FGD4: variants seen among roughly 807,000 people sequenced by gnomAD.
The protein encoded by FGD4 is FYVE, RhoGEF and PH domain-containing protein 4.
FGD4 carries 42 observed loss-of-function variants against 102.0 expected under a neutral mutation model. That is an observed-to-expected ratio of 0.41 (90% confidence interval 0.32 to 0.53). FGD4 has a LOEUF of 0.53. FGD4 is among the 20% of genes least tolerant of loss of function. FGD4 has a pLI of 0.21. For missense variants in FGD4, 902 were observed against 1,078.2 expected, an observed-to-expected ratio of 0.84 and a Z score of 2.29; for synonymous variants, 380 against 375.7, an observed-to-expected ratio of 1.01 and a Z score of -0.13.
At chr12:32,425,345 C>A (rs368869565) in intron 1 of FGD4, among the ~76,000 whole-genome samples, 2 of 152,268 alleles carry the variant, frequency 1.3e-5, no homozygotes, top group Admixed American at 6.5e-5. Context: ...TTCCCCATTG[C>A]TTGTTTTTGT....
intron 4 of FGD4, among the ~76,000 whole-genome samples, chr12:32,598,034 TCCTC>T (rs1417322772): frequency 2.0e-5 from 3 of 152,290 alleles, no homozygotes; most frequent in African/African-American, 7.2e-5. Context: ...GCTCAAGTGA[TCCTC>T]CCTCCTCTAC....
At chr12:32,579,039 G>GTTTTTTTTTTTTTTTT (rs35186090) in intron 3 of FGD4, among the ~76,000 whole-genome samples, 1 of 66,128 alleles carries the variant, frequency 1.5e-5, no homozygotes, top group African/African-American at 6.5e-5. Flanking sequence ...AACATTAGTG[G>GTTTTTTTTTTTTTTTT]TTTTTTTTTT....
intron 1 of FGD4, among the ~76,000 whole-genome samples, chr12:32,456,665 C>T (rs978127912): frequency 6.6e-6 from 1 of 152,152 alleles, no homozygotes; most frequent in African/African-American, 2.4e-5. Flanking sequence ...GTCATGCCCT[C>T]ATGCCCTAGA....
intron 1 of FGD4, among the ~76,000 whole-genome samples, chr12:32,531,887 G>A (rs1941849366): frequency 6.6e-6 from 1 of 152,174 alleles, no homozygotes; most frequent in African/African-American, 2.4e-5. Flanking sequence ...GGTAGATGCT[G>A]CAGATTATTA....
At chr12:32,500,315 A>G (rs568873161) in intron 1 of FGD4, among the ~76,000 whole-genome samples, 13 of 152,146 alleles carry the variant, frequency 8.5e-5, no homozygotes, top group Non-Finnish European at 1.5e-4. Context: ...AGCACATACT[A>G]GGGACCAGTA....
chr12:32,399,988 T>G, intron 1 of FGD4, 29 bp downstream of exon 1: 1 of 1,431,084 alleles, frequency 7.0e-7, no homozygotes, highest in South Asian at 1.4e-5. Flanking sequence ...GGGGGAAGGG[T>G]GGCCCCGGCG....
intron 1 of FGD4, among the ~76,000 whole-genome samples, chr12:32,438,999 G>A (rs566001507): frequency 1.4e-4 from 21 of 152,218 alleles, no homozygotes; most frequent in African/African-American, 5.1e-4. Flanking sequence ...ATTAACATAT[G>A]TATTACCTCA....
chr12:32,633,485 C>G, intron 14 of FGD4, 64 bp from the exon 15 acceptor site: 1 of 1,514,660 alleles, frequency 6.6e-7, no homozygotes, highest in Admixed American at 1.8e-5. Context: ...TTACCTATAA[C>G]TGATTACTGC....
intron 15 of FGD4, 103 bp from the exon 16 acceptor site, chr12:32,638,552 G>T: frequency 4.2e-6 from 6 of 1,441,242 alleles, no homozygotes; most frequent in Non-Finnish European, 5.8e-6. Flanking sequence ...ATCTTTTTTG[G>T]ATAGTCCAGG....
At chr12:32,632,319 T>C (rs1950539611) in intron 14 of FGD4, among the ~76,000 whole-genome samples, 2 of 152,150 alleles carry the variant, frequency 1.3e-5, no homozygotes, top group African/African-American at 4.8e-5. Flanking sequence ...AACAATCAAA[T>C]AATAATACAG....
intron 1 of FGD4, among the ~76,000 whole-genome samples, chr12:32,504,483 T>C (rs1938513583): frequency 6.6e-6 from 1 of 152,188 alleles, no homozygotes; most frequent in Non-Finnish European, 1.5e-5. Flanking sequence ...TGTACTGAAT[T>C]CGCGTGTCCA....
At chr12:32,508,679 A>G (rs1228930560) in intron 1 of FGD4, among the ~76,000 whole-genome samples, 3 of 152,182 alleles carry the variant, frequency 2.0e-5, no homozygotes, top group African/African-American at 7.2e-5. Context: ...AGCATGAGAT[A>G]TAATAATTAC....
chr12:32,608,801 T>A (rs1254727319), intron 8 of FGD4, among the ~76,000 whole-genome samples: 1 of 152,194 alleles, frequency 6.6e-6, no homozygotes, highest in Non-Finnish European at 1.5e-5. Flanking sequence ...ATTGCTACTT[T>A]CCCTTGTAAT....
intron 3 of FGD4, among the ~76,000 whole-genome samples, chr12:32,577,176 ATT>A (rs140195788): frequency 0.14 from 20,991 of 152,054 alleles, 1,631 homozygotes; most frequent in Middle Eastern, 0.22. Flanking sequence ...TCAATTGTTT[ATT>A]TTTTCTTAGT....
At position 32,576,345 on chromosome 12, in the gene FGD4, T is replaced by C. The variant is rs780841698; in HGVS notation, c.399T>C (p.Ser133=). 1.9e-6 allele frequency: 3 copies of C among 1,614,112 alleles called. No homozygotes were observed. Among genetic ancestry groups the C allele is most frequent in the Non-Finnish European group, 2.5e-6 (3 of 1,180,016 alleles). ...CCCCCAGGCATAAAGCTTTACCTAG[T>C]GCAAAACCAAGGATGGAGGAAATTA... ...HQTPRHKALP[S]AKPRMEEIKP... The change falls in exon 3 of 17, where the codon AGT becomes AGC. Residue 133 remains serine, a synonymous_variant. Coordinates refer to ENST00000534526, the MANE Select transcript of FGD4 (RefSeq NM_001370298.3).
intron 11 of FGD4, among the ~76,000 whole-genome samples, chr12:32,622,741 A>G (rs1166839585): frequency 2.0e-5 from 3 of 152,160 alleles, no homozygotes; most frequent in African/African-American, 7.2e-5. Context: ...TTATGGGCAC[A>G]TGCTGCCACA....
chr12:32,450,513 G>A (rs1942745268), intron 1 of FGD4, among the ~76,000 whole-genome samples: 1 of 152,162 alleles, frequency 6.6e-6, no homozygotes, highest in Non-Finnish European at 1.5e-5. Context: ...CTTTGAGCAT[G>A]TCTAGCTGAC....
At position 32,459,214 on chromosome 12, in the gene FGD4, CAG is replaced by C. The variant is rs1367318988; in HGVS notation, c.166+59258_166+59259del. ...CTTTTTTTTTTTTTTTTTTTTGAGA[CAG>C]AGTCTCTCGCTCTATCACCCAGGCT... is the stretch of plus-strand genomic sequence containing the variant. On this transcript the variant is annotated intron_variant, in intron 1 of 16. Coordinates refer to ENST00000534526, the MANE Select transcript of FGD4 (RefSeq NM_001370298.3). Among the ~76,000 whole-genome samples, 6 of 117,244 alleles carry C rather than the reference CAG, an allele frequency of 5.1e-5. 2 individuals are homozygous for C. Among genetic ancestry groups the C allele is most frequent in the African/African-American group, 1.6e-4 (5 of 31,540 alleles). 76.9% of individuals were successfully genotyped at this position (117,244 alleles called of 152,430 possible). A position where few individuals can be genotyped will look rare whatever the true frequency, so the allele number is the denominator to read the frequency against.
intron 1 of FGD4, among the ~76,000 whole-genome samples, chr12:32,525,693 C>T (rs899441979): frequency 1.3e-5 from 2 of 152,228 alleles, no homozygotes; most frequent in African/African-American, 4.8e-5. Context: ...GAGCGGGAAC[C>T]GGGGCTGCGT....
Sources: allele counts gnomAD v4.1 joint callset (sites outside exome capture counted in the v4.1 genomes callset), GRCh38; gene constraint gnomAD v4.1.1; transcripts MANE v1.5; gene names NCBI Gene and HGNC (gene_info 2026-07-23, HGNC 2026-07-21).